The following PPM1E variants were observed in gnomAD, a reference collection of about 807,000 sequenced individuals.
PPM1E encodes the protein protein phosphatase 1E.
PPM1E carries 20 observed loss-of-function variants against 65.9 expected under a neutral mutation model. The ratio of observed to expected loss-of-function variants is 0.30; its 90% CI spans 0.21 to 0.44. The LOEUF (loss-of-function observed/expected upper bound fraction) is 0.44, where lower values mean the gene tolerates loss of function less well. PPM1E is among the 20% of genes least tolerant of loss of function. The pLI is 1.00. For missense variants in PPM1E, 713 were observed against 953.1 expected (o/e 0.75, Z 3.32); for synonymous variants, 352 against 374.9 (o/e 0.94, Z 0.70).
chr17:58,831,020 G>GT (rs2050600679), intron 1 of PPM1E, among the ~76,000 whole-genome samples: 5 of 97,366 alleles, frequency 5.1e-5, no homozygotes, highest in Admixed American at 1.0e-4. Context: ...TTTTTTTTTC[G>GT]TTTTTTTGAG....
intron 1 of PPM1E, among the ~76,000 whole-genome samples, chr17:58,844,349 G>A (rs1360801311): frequency 6.6e-6 from 1 of 151,800 alleles, no homozygotes; most frequent in African/African-American, 2.4e-5. Flanking sequence ...AATAATAAGG[G>A]TAACAATAAA....
intron 3 of PPM1E, among the ~76,000 whole-genome samples, chr17:58,968,149 G>A (rs2030377582): frequency 6.6e-6 from 1 of 152,158 alleles, no homozygotes; most frequent in African/African-American, 2.4e-5. Flanking sequence ...TGTCATTAAA[G>A]TTGCTGAAAG....
intron 1 of PPM1E, among the ~76,000 whole-genome samples, chr17:58,895,768 C>A (rs925528310): frequency 1.3e-5 from 2 of 151,982 alleles, no homozygotes; most frequent in African/African-American, 2.4e-5. Context: ...CATAGCGACA[C>A]GACTGCACTT....
intron 1 of PPM1E, among the ~76,000 whole-genome samples, chr17:58,839,725 C>T (rs925603280): frequency 1.3e-5 from 2 of 152,046 alleles, no homozygotes; most frequent in South Asian, 4.2e-4. Flanking sequence ...TAGTGGGAGC[C>T]AGGTTTTTCA....
At chr17:58,784,913 A>G (rs566236191) in intron 1 of PPM1E, among the ~76,000 whole-genome samples, 1 of 152,334 alleles carries the variant, frequency 6.6e-6, no homozygotes, top group African/African-American at 2.4e-5. Flanking sequence ...CTTATCATAT[A>G]TGCTTAGCAA....
chr17:58,876,398 T>C (rs1329407941), intron 1 of PPM1E, among the ~76,000 whole-genome samples: 1 of 152,178 alleles, frequency 6.6e-6, no homozygotes, highest in Non-Finnish European at 1.5e-5. Flanking sequence ...CTATATTGCT[T>C]TCAGTTTTTG....
intron 1 of PPM1E, among the ~76,000 whole-genome samples, chr17:58,856,300 C>T (rs745758232): frequency 2.0e-5 from 3 of 152,004 alleles, no homozygotes; most frequent in Admixed American, 6.6e-5. Flanking sequence ...AATGCAATGG[C>T]GCGATCTCTG....
chr17:58,919,674 C>A (rs1223823508), intron 1 of PPM1E, among the ~76,000 whole-genome samples: 1 of 151,928 alleles, frequency 6.6e-6, no homozygotes. Context: ...GTAATTCCAG[C>A]TACCCAGGAG....
At chr17:58,978,725 G>T (rs1237003847) in intron 6 of PPM1E, among the ~76,000 whole-genome samples, 1 of 152,068 alleles carries the variant, frequency 6.6e-6, no homozygotes, top group Non-Finnish European at 1.5e-5. Context: ...AAAGTGAATT[G>T]AGAGTCCCTT....
chr17:58,792,743 CTTTTTTT>C (rs780992600), intron 1 of PPM1E, among the ~76,000 whole-genome samples: 19 of 76,372 alleles, frequency 2.5e-4, no homozygotes, highest in East Asian at 9.4e-4. Context: ...GAATTTTACT[CTTTTTTT>C]TTTTTTTTTT....
At chr17:58,832,946 G>A (rs1459090258) in intron 1 of PPM1E, among the ~76,000 whole-genome samples, 1 of 151,968 alleles carries the variant, frequency 6.6e-6, no homozygotes, top group Admixed American at 6.6e-5. Flanking sequence ...CTGAGCAGCT[G>A]GGATCACAGG....
intron 1 of PPM1E, among the ~76,000 whole-genome samples, chr17:58,932,572 T>C (rs1011812992): frequency 6.6e-5 from 10 of 152,196 alleles, no homozygotes; most frequent in African/African-American, 2.4e-4. Context: ...ACATGGGATC[T>C]GGGAACAGGT....
chr17:58,930,681 A>G (rs1009374838), intron 1 of PPM1E, among the ~76,000 whole-genome samples: 1 of 152,168 alleles, frequency 6.6e-6, no homozygotes, highest in Non-Finnish European at 1.5e-5. Flanking sequence ...TCAGTGAAAT[A>G]ATGGACATAT....
rs1260205846 is a variant in PPM1E, at chr17:58,980,269, T to C, written c.1506T>C (p.Asp502=). 4.3e-6 allele frequency: 7 copies of C among 1,614,106 alleles called. No individual in the cohort carries two copies. Among genetic ancestry groups the C allele is most frequent in the South Asian group, 1.1e-5 (1 of 91,080 alleles). Reference sequence around the variant, plus strand: ...CTGTAAATGTTAGTGAGGAATCAGATTGGACAGAGAACTCTTTTCAAGGAG... The same window carrying C: ...CTGTAAATGTTAGTGAGGAATCAGACTGGACAGAGAACTCTTTTCAAGGAG... ...NKAVNVSEES[D]WTENSFQGGQ... is the part of the protein sequence containing the mutation. The change falls in exon 7 of 7, where the codon GAT becomes GAC. Residue 502 remains aspartate (D), a synonymous_variant. Coordinates refer to ENST00000308249, the MANE Select transcript of PPM1E (RefSeq NM_014906.5). The surrounding 1 kb of genome is among the most constrained non-coding windows in gnomAD (Gnocchi z 4.7).
intron 1 of PPM1E, among the ~76,000 whole-genome samples, chr17:58,908,272 G>A (rs952382082): frequency 6.6e-6 from 1 of 151,350 alleles, no homozygotes; most frequent in African/African-American, 2.4e-5. Flanking sequence ...GTAGAGATAG[G>A]GTTTCATCAT....
chr17:58,764,556 C>T (rs1003523198), intron 1 of PPM1E, among the ~76,000 whole-genome samples: 1 of 152,086 alleles, frequency 6.6e-6, no homozygotes, highest in Non-Finnish European at 1.5e-5. Context: ...CTGCCTCAGC[C>T]TCTCAAGTAG....
chr17:58,961,264 T>C (rs1050424871), intron 2 of PPM1E, among the ~76,000 whole-genome samples: 13 of 152,356 alleles, frequency 8.5e-5, no homozygotes, highest in Middle Eastern at 3.4e-3. Flanking sequence ...TTAATTTATA[T>C]AACAGTTTAC....
At chr17:58,943,077 GAATAA>G (rs918537837) in intron 1 of PPM1E, among the ~76,000 whole-genome samples, 10 of 151,118 alleles carry the variant, frequency 6.6e-5, no homozygotes, top group African/African-American at 2.4e-4. Context: ...AAAGATGATT[GAATAA>G]AATAAAAAGT....
At chr17:58,972,998 G>A in intron 6 of PPM1E, 73 bp downstream of exon 6, 1 of 982,614 alleles carries the variant, frequency 1.0e-6, no homozygotes, top group Non-Finnish European at 1.6e-6. Flanking sequence ...CTCTGATACA[G>A]GGAACCTGAG....
Sources: gnomAD v4.1 joint callset for allele counts (sites outside exome capture counted in the v4.1 genomes callset) on GRCh38, gnomAD v4.1.1 for gene constraint, Gnocchi (gnomAD v3.1) non-coding constraint, MANE v1.5 for transcripts, NCBI Gene and HGNC (gene_info 2026-07-23, HGNC 2026-07-21) for gene names.